The following PLVAP variants were observed in gnomAD, a reference collection of about 807,000 sequenced individuals.
PLVAP encodes the protein plasmalemma vesicle associated protein, also known as plasmalemma vesicle-associated protein.
PLVAP carries 34 observed loss-of-function variants against 43.1 expected under a neutral mutation model. The observed-to-expected ratio is 0.79, with a 90% CI of 0.60 to 1.05. PLVAP has a LOEUF of 1.05. PLVAP is among the 50% of genes least tolerant of loss of function. The pLI is 0.00. For synonymous variants in PLVAP, 241 were observed against 237.3 expected, an observed-to-expected ratio of 1.02 and a Z score of -0.14; for missense variants, 574 against 593.4, an observed-to-expected ratio of 0.97 and a Z score of 0.34.
At chr19:17,371,899 T>C (rs1003351366) in intron 1 of PLVAP, among the ~76,000 whole-genome samples, 1 of 152,198 alleles carries the variant, frequency 6.6e-6, no homozygotes. Flanking sequence ...TCAGGAGAGT[T>C]TGTCTTTCTG....
At chr19:17,359,412 CCT>C in intron 5 of PLVAP, among the ~76,000 whole-genome samples, 1 of 150,430 alleles carries the variant, frequency 6.6e-6, no homozygotes, top group South Asian at 2.1e-4. Context: ...CTGCAACCAG[CCT>C]CTCTTTTTTT....
In PLVAP at chr19:17,368,064, A is replaced by ATTT. The variant is rs34115667; in HGVS notation, c.370-1872_370-1870dup. 1.2e-3 allele frequency among the ~76,000 whole-genome samples: 92 copies of ATTT among 76,022 alleles called. 1 individual carries two copies. The highest frequency in any genetic ancestry group is 3.0e-3 in the African/African-American group (48 of 15,916). 49.9% of individuals were successfully genotyped at this position (76,022 alleles called of 152,430 possible). On this transcript the variant is annotated intron_variant, in intron 1 of 5. Coordinates refer to ENST00000252590, the MANE Select transcript of PLVAP (RefSeq NM_031310.3). ...AGGGGCCCACCACCCTGCCCGGCTA[A>ATTT]TTTTTTTTTTTTTTTTTTTTTTTTG...
Position 17,365,518 on chromosome 19 carries a change from C to T in PLVAP, c.947G>A (p.Arg316Gln), listed in dbSNP as rs202200013. Reference protein sequence around the residue: ...RQKLEAQQGLRASQEAKQKVE... With the variant: ...RQKLEAQQGLQASQEAKQKVE... ...CTTCTGTTTCGCCTCCTGACTGGCCCGCAGGCCCTGCTGGGCTTCCAGCTT... is the reference window on the plus strand; with the variant it reads ...CTTCTGTTTCGCCTCCTGACTGGCCTGCAGGCCCTGCTGGGCTTCCAGCTT... Residue 316 changes from arginine (R) to glutamine (Q), a missense_variant, in exon 3 of 6, where the codon CGG becomes CAG. Arg to Gln is a conservative substitution (Grantham distance 43). Transcript: ENST00000252590. 1.5e-4 allele frequency: 246 copies of T among 1,612,120 alleles called. No homozygotes were observed. The highest frequency in any genetic ancestry group is 2.7e-4 in the South Asian group (25 of 91,088).
intron 1 of PLVAP, among the ~76,000 whole-genome samples, chr19:17,371,460 G>A (rs1342422841): frequency 5.3e-5 from 8 of 151,906 alleles, no homozygotes; most frequent in Non-Finnish European, 1.0e-4. Flanking sequence ...GACGTGAGCT[G>A]CCACGCCCGG....
intron 3 of PLVAP, among the ~76,000 whole-genome samples, chr19:17,364,416 G>T (rs73016432): frequency 0.064 from 9,765 of 152,074 alleles, 335 homozygotes; most frequent in African/African-American, 0.084. Flanking sequence ...TGCCCAGGCT[G>T]GTCTGAACTC....
chr19:17,352,299 T>A lies in PLVAP; in HGVS notation c.*63A>T. ...GGTTGTGTCGGGCGCTGTGAGCATATCCCTGCATCCTCCGCAAACCGCCGA... is the reference window on the plus strand; with the variant it reads ...GGTTGTGTCGGGCGCTGTGAGCATAACCCTGCATCCTCCGCAAACCGCCGA... On this transcript the variant is annotated 3_prime_UTR_variant, in exon 6 of 6. Coordinates refer to ENST00000252590, the MANE Select transcript of PLVAP (RefSeq NM_031310.3). The A allele has an allele frequency of 1.9e-6, 3 of 1,604,292 alleles. No individual in the cohort carries two copies. The highest frequency in any genetic ancestry group is 1.1e-5 in the South Asian group (1 of 90,914).
chr19:17,353,043 C>G (rs987296828), intron 5 of PLVAP, among the ~76,000 whole-genome samples: 2 of 152,352 alleles, frequency 1.3e-5, no homozygotes, highest in African/African-American at 4.8e-5. Context: ...ATGCCCTCCC[C>G]CTCCTGGGCC....
At chr19:17,372,280 G>T (rs1219820457) in intron 1 of PLVAP, among the ~76,000 whole-genome samples, 1 of 150,434 alleles carries the variant, frequency 6.6e-6, no homozygotes, top group South Asian at 2.1e-4. Flanking sequence ...TTGGTGGCGG[G>T]TGCCTGTAAT....
chr19:17,357,174 A>G (rs1430566316), intron 5 of PLVAP, among the ~76,000 whole-genome samples: 2 of 151,980 alleles, frequency 1.3e-5, no homozygotes, highest in Non-Finnish European at 2.9e-5. Flanking sequence ...ACACTCCTGT[A>G]ATCCCAGCTA....
Position 17,356,852 on chromosome 19 carries a change from G to C in PLVAP, c.1322+3676C>G, listed in dbSNP as rs529009859. Among the ~76,000 whole-genome samples, 10 of 152,140 alleles carry C rather than the reference G, an allele frequency of 6.6e-5. No homozygotes were observed. In the South Asian group the frequency reaches 2.1e-3, roughly 32 times the overall value. ...CGCATGCCTGTAATCCCAGCTGCTT[G>C]GGAGGCTGAGGCAGGAGAATCACTT... is the stretch of plus-strand genomic sequence containing the variant. On this transcript the variant is annotated intron_variant, in intron 5 of 5. Transcript: ENST00000252590.
intron 1 of PLVAP, among the ~76,000 whole-genome samples, chr19:17,375,331 C>T (rs556636158): frequency 1.3e-5 from 2 of 152,174 alleles, no homozygotes; most frequent in African/African-American, 2.4e-5. Flanking sequence ...GAGCTTCATG[C>T]ATAGTAAGTT....
At position 17,351,620 on chromosome 19, in the gene PLVAP, G is replaced by A. The variant is rs2074485202; in HGVS notation, c.*742C>T. Reference sequence around the variant, plus strand: ...GAAACACTCACGCTCAAGGAGCGGAGGTGAATGGCTTCCTGTTCTCACCTC... The same window carrying A: ...GAAACACTCACGCTCAAGGAGCGGAAGTGAATGGCTTCCTGTTCTCACCTC... On this transcript the variant is annotated 3_prime_UTR_variant, in exon 6 of 6. Transcript: ENST00000252590. 1 of 152,278 alleles carries A rather than the reference G, an allele frequency of 6.6e-6. No homozygotes were observed. The highest frequency in any genetic ancestry group is 1.5e-5 in the Non-Finnish European group (1 of 68,066). The allele number at this position is 152,278 out of a possible 1,614,324, so 9.4% of individuals were successfully genotyped here.
At chr19:17,352,473 G>C in intron 5 of PLVAP, 105 bp from the exon 6 acceptor site, 4 of 1,338,454 alleles carry the variant, frequency 3.0e-6, no homozygotes, top group Non-Finnish European at 3.2e-6. Flanking sequence ...CAACATCCTG[G>C]GGACCCCGGC....
At position 17,358,344 on chromosome 19, in the gene PLVAP, G is replaced by A. The variant is rs189622263; in HGVS notation, c.1322+2184C>T. On this transcript the variant is annotated intron_variant, in intron 5 of 5. Transcript: ENST00000252590. ...CTGGGGAGTTGGCGGCAAAGCTTTC[G>A]GAAATCTACTTGGCCAGAAATCCCA... Among the ~76,000 whole-genome samples the A allele has an allele frequency of 1.9e-4, 29 of 151,748 alleles. No homozygotes were observed. In the East Asian group the frequency reaches 2.5e-3, roughly 13 times the overall value.
chr19:17,363,549 C>G (rs2074536226), intron 3 of PLVAP, among the ~76,000 whole-genome samples: 2 of 119,464 alleles, frequency 1.7e-5, no homozygotes, highest in Non-Finnish European at 1.7e-5. Flanking sequence ...CCCTTCCCCC[C>G]TCCCTTCCAC....
chr19:17,369,864 C>T (rs2074564992), intron 1 of PLVAP, among the ~76,000 whole-genome samples: 1 of 150,692 alleles, frequency 6.6e-6, no homozygotes. Flanking sequence ...TTAGCCAGGC[C>T]TGGTGGCAGG....
chr19:17,363,214 G>C (rs2074534978), intron 3 of PLVAP, among the ~76,000 whole-genome samples: 2 of 152,142 alleles, frequency 1.3e-5, no homozygotes, highest in Admixed American at 1.3e-4. Context: ...CCAGGCTAGA[G>C]TTGCAGTGGT....
intron 5 of PLVAP, among the ~76,000 whole-genome samples, chr19:17,357,461 A>G (rs7248194): frequency 0.61 from 92,002 of 151,706 alleles, 29,033 homozygotes; most frequent in African/African-American, 0.79. Flanking sequence ...CCAGGAGTTC[A>G]AATCCAGCCT....
intron 4 of PLVAP, 73 bp downstream of exon 4, chr19:17,360,698 GA>G: frequency 6.3e-7 from 1 of 1,579,980 alleles, no homozygotes; most frequent in Non-Finnish European, 8.7e-7. Flanking sequence ...AGGGGAGTGG[GA>G]AAGTGGGGCT....
Sources: gnomAD v4.1 joint callset for allele counts (sites outside exome capture counted in the v4.1 genomes callset) on GRCh38, gnomAD v4.1.1 for gene constraint, MANE v1.5 for transcripts, NCBI Gene and HGNC (gene_info 2026-07-23, HGNC 2026-07-21) for gene names.